Variants in OPHN1 observed in about 807,000 individuals in gnomAD.
OPHN1 encodes oligophrenin-1.
Under a neutral mutation model 60.7 loss-of-function variants are expected in OPHN1, and 11 were observed. The observed-to-expected ratio is 0.18, with a 90% CI of 0.11 to 0.30. The LOEUF (loss-of-function observed/expected upper bound fraction) is 0.30. OPHN1 is among the 10% of genes least tolerant of loss of function. OPHN1 has a pLI of 1.00. For synonymous variants in OPHN1, 226 were observed against 222.6 expected (o/e 1.02, Z -0.14); for missense variants, 449 against 611.0 (o/e 0.73, Z 2.80).
intron 20 of OPHN1, among the ~76,000 whole-genome samples, chrX:68,068,213 T>A (rs2076919974): frequency 9.0e-6 from 1 of 110,786 alleles, no homozygotes; most frequent in Non-Finnish European, 1.9e-5. Context: ...GGCTCATGCC[T>A]GTAATCCCAG....
At chrX:68,418,352 C>A (rs2078809521) in intron 2 of OPHN1, among the ~76,000 whole-genome samples, 1 of 111,173 alleles carries the variant, frequency 9.0e-6, no homozygotes, top group Admixed American at 9.6e-5. Context: ...CAGACACAGG[C>A]AACCCCGAGG....
chrX:68,385,933 T>G (rs890183319), intron 2 of OPHN1, among the ~76,000 whole-genome samples: 2 of 112,048 alleles, frequency 1.8e-5, no homozygotes, highest in African/African-American at 6.5e-5. Context: ...TTGGAGCCAA[T>G]AAAAGAACAT....
At chrX:68,132,578 T>C (rs1412013799) in intron 15 of OPHN1, among the ~76,000 whole-genome samples, 2 of 82,755 alleles carry the variant, frequency 2.4e-5, no homozygotes, top group African/African-American at 8.8e-5. Flanking sequence ...AGGGATAGCA[T>C]TGGGAGATAT....
intron 2 of OPHN1, among the ~76,000 whole-genome samples, chrX:68,416,059 TATATATATAG>T (rs1167868306): frequency 0.011 from 79 of 6,951 alleles, no homozygotes; most frequent in African/African-American, 0.015. Flanking sequence ...TATATATATA[TATATATATAG>T]AGAGAGAGAG....
chrX:68,387,457 C>G lies in OPHN1; in HGVS notation c.154+45410G>C, dbSNP rs367702318. Among the ~76,000 whole-genome samples, 16 of 111,420 alleles carry G rather than the reference C, an allele frequency of 1.4e-4. 2 individuals are homozygous for G. The South Asian group carries it at 5.7e-3, about 40-fold the overall frequency. ...GCCAGAAGTATCTTGAAAATACAAA[C>G]TATATGATACTCTTTCATCATCCTG... On this transcript the variant is annotated intron_variant, in intron 2 of 24. Transcript: ENST00000355520.
intron 5 of OPHN1, among the ~76,000 whole-genome samples, chrX:68,268,981 T>C (rs1038758881): frequency 2.7e-5 from 3 of 111,361 alleles, no homozygotes; most frequent in African/African-American, 9.8e-5. Flanking sequence ...TGAACTCCCA[T>C]TCACAATTGC....
chrX:68,043,533 T>C lies in OPHN1; in HGVS notation c.*3639A>G, dbSNP rs1318630052. 9.0e-6 allele frequency: 1 copy of C among 111,445 alleles called. No individual in the cohort carries two copies. The highest frequency in any genetic ancestry group is 1.9e-5 in the Non-Finnish European group (1 of 53,098). The allele number at this position is 111,445 out of a possible 1,213,427, so 9.2% of individuals were successfully genotyped here. A position where few individuals can be genotyped will look rare whatever the true frequency, so the allele number is the denominator to read the frequency against. ...ATCTATGTTCTCTCAAAAGCAATTT[T>C]TTCCTAGTCACAGAACTATTTCTTC... On this transcript the variant is annotated 3_prime_UTR_variant, in exon 25 of 25. Transcript: ENST00000355520.
chrX:68,291,675 C>A (rs991996924), intron 3 of OPHN1, among the ~76,000 whole-genome samples: 30 of 110,345 alleles, frequency 2.7e-4, no homozygotes, highest in African/African-American at 9.6e-4. Context: ...CCACATCCTT[C>A]TGTGTTCTGA....
In OPHN1 at chrX:68,432,920, T is replaced by C; in HGVS notation, c.101A>G (p.Lys34Arg). The change falls in exon 2 of 25, where the codon AAA (lysine) becomes AGA (arginine). Residue 34 changes from lysine (K) to arginine (R), a missense_variant. Physicochemically the swap from Lys to Arg is conservative, Grantham distance 26. Transcript: ENST00000355520. ...CYEQELERTN[K>R]FIKDVIKDGN... ...GTCTTTGATTACGTCTTTGATGAATTTGTTGGTCCTCTCCAGTTCCTGCTC... is the reference window on the plus strand; with the variant it reads ...GTCTTTGATTACGTCTTTGATGAATCTGTTGGTCCTCTCCAGTTCCTGCTC... 8.3e-7 allele frequency: 1 copy of C among 1,211,729 alleles called. No individual in the cohort carries two copies.
chrX:68,360,977 C>T (rs1339224039), intron 2 of OPHN1: 2 of 111,667 alleles, frequency 1.8e-5, no homozygotes, highest in Non-Finnish European at 1.9e-5. Flanking sequence ...CTAACACTAC[C>T]TGTGAAATAG....
At chrX:68,195,131 TAC>T (rs1338012416) in intron 12 of OPHN1, among the ~76,000 whole-genome samples, 1 of 111,392 alleles carries the variant, frequency 9.0e-6, no homozygotes, top group Non-Finnish European at 1.9e-5. Flanking sequence ...TCACCATAGC[TAC>T]AGTTTTAGCT....
chrX:68,053,618 T>C, intron 22 of OPHN1, 27 bp downstream of exon 22: 1 of 1,205,766 alleles, frequency 8.3e-7, no homozygotes, highest in Non-Finnish European at 1.1e-6. Context: ...AGGACTTCAG[T>C]CAACTTTGAG....
intron 6 of OPHN1, among the ~76,000 whole-genome samples, chrX:68,222,574 A>T (rs1304293773): frequency 9.7e-6 from 1 of 102,765 alleles, no homozygotes; most frequent in Non-Finnish European, 2.0e-5. Flanking sequence ...TGTGGCACAT[A>T]TACACTATGG....
intron 2 of OPHN1, among the ~76,000 whole-genome samples, chrX:68,352,425 G>A (rs2078418096): frequency 1.8e-5 from 2 of 108,581 alleles, no homozygotes; most frequent in African/African-American, 6.7e-5. Flanking sequence ...TAGATTATCA[G>A]CCGGACAGTG....
At chrX:68,111,813 C>A in intron 18 of OPHN1, 41 bp downstream of exon 18, 1 of 965,054 alleles carries the variant, frequency 1.0e-6, no homozygotes, top group Admixed American at 2.2e-5. Context: ...TGGGCCAGTC[C>A]TCTAATAGGA....
intron 2 of OPHN1, among the ~76,000 whole-genome samples, chrX:68,408,024 C>T (rs1044278802): frequency 8.0e-5 from 9 of 112,061 alleles, no homozygotes; most frequent in Non-Finnish European, 1.1e-4. Context: ...AGGCTGGACT[C>T]GAACTCCTGG....
chrX:68,114,446 T>A (rs1470139692), intron 16 of OPHN1, among the ~76,000 whole-genome samples: 1 of 110,623 alleles, frequency 9.0e-6, no homozygotes, highest in Non-Finnish European at 1.9e-5. Context: ...ACTGTAGTAA[T>A]CCAAGCAAAA....
chrX:68,158,845 C>T (rs974959457), intron 15 of OPHN1, among the ~76,000 whole-genome samples: 2 of 112,079 alleles, frequency 1.8e-5, no homozygotes, highest in Non-Finnish European at 3.8e-5. Flanking sequence ...TTTCCTCAAT[C>T]AAGTGACCAG....
rs746024498 is a variant in OPHN1 at position 68,274,142 on chromosome X, C to A, written c.384+596G>T. ...CTCCCACTGGGCCCCACCTCCAACA[C>A]TGGGAATTACAACTGAACATGAAAT... On this transcript the variant is annotated intron_variant, in intron 5 of 24. Transcript: ENST00000355520. 1.8e-4 allele frequency among the ~76,000 whole-genome samples: 20 copies of A among 111,862 alleles called. No individual in the cohort carries two copies. The South Asian group carries it at 7.6e-3, about 42-fold the overall frequency.
Sources: gnomAD v4.1 joint callset for allele counts (sites outside exome capture counted in the v4.1 genomes callset) on GRCh38, gnomAD v4.1.1 for gene constraint, MANE v1.5 for transcripts, NCBI Gene and HGNC (gene_info 2026-07-23, HGNC 2026-07-21) for gene names.